The following MYO3B variants were observed in gnomAD, a reference collection of about 807,000 sequenced individuals.
The protein encoded by MYO3B is myosin IIIB.
A neutral mutation model predicts 174.6 loss-of-function variants in MYO3B; 156 were observed. The observed-to-expected ratio is 0.89, with a 90% CI of 0.78 to 1.02. MYO3B has a LOEUF of 1.02. MYO3B is among the 50% of genes least tolerant of loss of function. MYO3B has a pLI of 0.00. For synonymous variants in MYO3B, 563 were observed against 569.1 expected, an observed-to-expected ratio of 0.99 and a Z score of 0.15; for missense variants, 1,632 against 1,639.4, an observed-to-expected ratio of 1.00 and a Z score of 0.08.
chr2:170,340,982 T>A (rs997476637), intron 8 of MYO3B: 5 of 152,196 alleles, frequency 3.3e-5, no homozygotes, highest in Non-Finnish European at 5.9e-5. Flanking sequence ...CATTTAGTCA[T>A]CAAATGTTGA....
Position 170,594,810 on chromosome 2 carries a change from A to T in MYO3B, c.3733+50822A>T, listed in dbSNP as rs1373046127. Among the ~76,000 whole-genome samples, 3 of 147,794 alleles carry T rather than the reference A, an allele frequency of 2.0e-5. No homozygotes were observed. The East Asian group carries it at 6.1e-4, about 30-fold the overall frequency. On this transcript the variant is annotated intron_variant, in intron 32 of 34. Coordinates refer to ENST00000408978, the MANE Select transcript of MYO3B (RefSeq NM_138995.5). The stretch of plus-strand genomic sequence containing the variant: ...GTTCCAATCTGCCCAATGAGTATGC[A>T]CTCTTTCCCAGCGCGCGCACACACA...
intron 1 of MYO3B, among the ~76,000 whole-genome samples, chr2:170,192,133 CT>C (rs1472975955): frequency 1.3e-5 from 2 of 151,932 alleles, no homozygotes; most frequent in Non-Finnish European, 2.9e-5. Flanking sequence ...TCTTCATGAC[CT>C]GGAAAACATA....
chr2:170,382,182 T>C, intron 10 of MYO3B, 70 bp downstream of exon 10: 1 of 1,251,072 alleles, frequency 8.0e-7, no homozygotes, highest in Non-Finnish European at 1.2e-6. Flanking sequence ...AACTTTCTGT[T>C]GTAGACCATG....
At chr2:170,641,899 AAATG>A (rs1401190117) in intron 32 of MYO3B, among the ~76,000 whole-genome samples, 2 of 151,122 alleles carry the variant, frequency 1.3e-5, no homozygotes, top group African/African-American at 4.9e-5. Flanking sequence ...AACCCAAATT[AAATG>A]AATGAATGAA....
intron 7 of MYO3B, among the ~76,000 whole-genome samples, chr2:170,280,428 T>C (rs1203112327): frequency 6.6e-6 from 1 of 152,226 alleles, no homozygotes; most frequent in Non-Finnish European, 1.5e-5. Context: ...CTTACTCTGC[T>C]GATAGTTTCT....
chr2:170,604,289 C>T (rs1029978081), intron 32 of MYO3B, among the ~76,000 whole-genome samples: 13 of 152,140 alleles, frequency 8.5e-5, no homozygotes, highest in African/African-American at 3.1e-4. Flanking sequence ...GTTTTACAGG[C>T]AGGAGATGTA....
At chr2:170,544,679 G>C (rs1294009196) in intron 32 of MYO3B, among the ~76,000 whole-genome samples, 2 of 152,064 alleles carry the variant, frequency 1.3e-5, no homozygotes, top group East Asian at 3.8e-4. Context: ...TTTCTTCTTA[G>C]CCTGTTTTTC....
intron 32 of MYO3B, among the ~76,000 whole-genome samples, chr2:170,588,463 G>T (rs1472071219): frequency 6.6e-6 from 1 of 152,126 alleles, no homozygotes; most frequent in Non-Finnish European, 1.5e-5. Context: ...GGCACACAGT[G>T]CCAGTGTACT....
intron 1 of MYO3B, among the ~76,000 whole-genome samples, chr2:170,189,203 A>G (rs1040378554): frequency 1.3e-5 from 2 of 151,940 alleles, no homozygotes; most frequent in African/African-American, 2.4e-5. Context: ...TGATGACTGG[A>G]GCTCTTTGTA....
At chr2:170,292,719 G>T (rs1180313809) in intron 7 of MYO3B, among the ~76,000 whole-genome samples, 2 of 152,130 alleles carry the variant, frequency 1.3e-5, no homozygotes, top group African/African-American at 2.4e-5. Flanking sequence ...GTGTGGGAAG[G>T]CTGGGTAGGG....
chr2:170,178,318 T>G (rs2092356783), intron 1 of MYO3B, 29 bp downstream of exon 1: 2 of 1,614,104 alleles, frequency 1.2e-6, no homozygotes, highest in Non-Finnish European at 1.7e-6. Context: ...CCTTCCAGCT[T>G]TCTTCTGTGC....
chr2:170,587,142 TAC>T (rs1693538429), intron 32 of MYO3B, among the ~76,000 whole-genome samples: 1 of 152,250 alleles, frequency 6.6e-6, no homozygotes, highest in Non-Finnish European at 1.5e-5. Context: ...GTGTAGCACA[TAC>T]ACATGTATAT....
At chr2:170,570,234 C>T (rs1047509275) in intron 32 of MYO3B, among the ~76,000 whole-genome samples, 2 of 152,118 alleles carry the variant, frequency 1.3e-5, no homozygotes, top group Admixed American at 1.3e-4. Flanking sequence ...CCAACTTTGC[C>T]CATCTGCTGT....
intron 8 of MYO3B, chr2:170,351,190 G>T (rs1574833213): frequency 6.6e-6 from 1 of 152,190 alleles, no homozygotes; most frequent in Non-Finnish European, 1.5e-5. Context: ...ATCAAGAGCA[G>T]TGGTGACTCC....
intron 22 of MYO3B, among the ~76,000 whole-genome samples, chr2:170,426,830 C>G (rs1396737390): frequency 6.6e-6 from 1 of 151,546 alleles, no homozygotes; most frequent in Non-Finnish European, 1.5e-5. Flanking sequence ...CCAGCCTGGC[C>G]AATATAGTGA....
At chr2:170,639,428 T>G (rs963716481) in intron 32 of MYO3B, among the ~76,000 whole-genome samples, 27 of 152,204 alleles carry the variant, frequency 1.8e-4, no homozygotes, top group African/African-American at 6.3e-4. Context: ...GTTAGGGAAC[T>G]GCCATTGTCA....
intron 6 of MYO3B, among the ~76,000 whole-genome samples, chr2:170,227,438 C>T (rs2092963881): frequency 6.8e-6 from 1 of 147,158 alleles, no homozygotes; most frequent in African/African-American, 2.5e-5. Context: ...GCATGTGCCA[C>T]CACGCCCCGC....
intron 32 of MYO3B, among the ~76,000 whole-genome samples, chr2:170,575,169 A>G (rs894990661): frequency 1.3e-5 from 2 of 152,246 alleles, no homozygotes; most frequent in Admixed American, 6.5e-5. Context: ...TAAATGATAT[A>G]ATCTTAGGGC....
intron 3 of MYO3B, among the ~76,000 whole-genome samples, chr2:170,201,853 G>A (rs192453101): frequency 1.3e-5 from 2 of 152,058 alleles, no homozygotes; most frequent in Non-Finnish European, 2.9e-5. Flanking sequence ...TTTAAACCTC[G>A]TTGTAACTTA....
Sources: gnomAD v4.1 joint callset for allele counts (sites outside exome capture counted in the v4.1 genomes callset) on GRCh38, gnomAD v4.1.1 for gene constraint, MANE v1.5 for transcripts, NCBI Gene and HGNC (gene_info 2026-07-23, HGNC 2026-07-21) for gene names.